The following PARD3B variants were observed in gnomAD, a reference collection of about 807,000 sequenced individuals.
PARD3B encodes par-3 family cell polarity regulator beta.
A neutral mutation model predicts 130.2 loss-of-function variants in PARD3B; 103 were observed. The observed-to-expected ratio is 0.79, with a 90% CI of 0.67 to 0.93. The LOEUF (loss-of-function observed/expected upper bound fraction) is 0.93, where lower values mean the gene tolerates loss of function less well. PARD3B is among the 40% of genes least tolerant of loss of function. PARD3B has a pLI of 0.00. For synonymous variants in PARD3B, 583 were observed against 553.2 expected (o/e 1.05, Z -0.76); for missense variants, 1,609 against 1,499.2 (o/e 1.07, Z -1.21).
intron 18 of PARD3B, among the ~76,000 whole-genome samples, chr2:205,360,078 C>T (rs1235545397): frequency 6.6e-6 from 1 of 152,146 alleles, no homozygotes; most frequent in Non-Finnish European, 1.5e-5. Flanking sequence ...GTATTGTCTA[C>T]ATTTCTGATT....
intron 4 of PARD3B, among the ~76,000 whole-genome samples, chr2:205,056,706 G>A (rs1392180245): frequency 6.6e-6 from 1 of 151,742 alleles, no homozygotes; most frequent in South Asian, 2.1e-4. Flanking sequence ...AACTCTCTAC[G>A]TTTTAAGCAA....
intron 21 of PARD3B, among the ~76,000 whole-genome samples, chr2:205,544,541 A>G (rs1409096822): frequency 2.0e-5 from 3 of 152,144 alleles, no homozygotes; most frequent in Non-Finnish European, 4.4e-5. Context: ...TGGTAACTGT[A>G]TCTTAGGCCC....
intron 2 of PARD3B, among the ~76,000 whole-genome samples, chr2:204,798,273 G>A (rs73982528): frequency 8.5e-4 from 130 of 152,230 alleles, no homozygotes; most frequent in African/African-American, 2.7e-3. Flanking sequence ...GGGACTTGGC[G>A]TTGGAACTCA....
chr2:204,720,851 G>C (rs756790790), intron 2 of PARD3B, among the ~76,000 whole-genome samples: 1 of 152,048 alleles, frequency 6.6e-6, no homozygotes, highest in Non-Finnish European at 1.5e-5. Flanking sequence ...TTTGGGGGTG[G>C]AAACCAAGCA....
intron 22 of PARD3B, among the ~76,000 whole-genome samples, chr2:205,609,444 C>T (rs558470582): frequency 6.6e-6 from 1 of 152,304 alleles, no homozygotes; most frequent in South Asian, 2.1e-4. Flanking sequence ...AGGCACCTCT[C>T]TTAGACAGCT....
intron 18 of PARD3B, among the ~76,000 whole-genome samples, chr2:205,369,713 A>G (rs2044739566): frequency 1.3e-5 from 2 of 152,038 alleles, no homozygotes. Flanking sequence ...TACATTACAG[A>G]TAATCACAGT....
In PARD3B at chr2:204,686,061, T is replaced by C. The variant is rs578032160; in HGVS notation, c.121-120T>C. 66 of 673,632 alleles carry C rather than the reference T, an allele frequency of 9.8e-5. 1 individual carries two copies. In the South Asian group the frequency reaches 1.3e-3, roughly 13 times the overall value. The allele number at this position is 673,632 out of a possible 1,614,324, so 41.7% of individuals were successfully genotyped here. A position where few individuals can be genotyped will look rare whatever the true frequency, so the allele number is the denominator to read the frequency against. On this transcript the variant is annotated intron_variant, in intron 1 of 22. Transcript: ENST00000406610. ...AAATAGATAACATTTGTTTTCAGTG[T>C]TTAAAAATTTGATTACTAGAACATA...
At chr2:205,299,146 T>A (rs2041897649) in intron 16 of PARD3B, among the ~76,000 whole-genome samples, 1 of 152,204 alleles carries the variant, frequency 6.6e-6, no homozygotes, top group African/African-American at 2.4e-5. Flanking sequence ...GGTAAAGGTG[T>A]GTATTGCTAT....
intron 21 of PARD3B, among the ~76,000 whole-genome samples, chr2:205,539,421 A>T (rs2052019308): frequency 1.3e-5 from 2 of 152,186 alleles, no homozygotes; most frequent in African/African-American, 4.8e-5. Flanking sequence ...CAGGACAGGT[A>T]GTTTGAAAAT....
intron 1 of PARD3B, among the ~76,000 whole-genome samples, chr2:204,665,372 C>T (rs577691536): frequency 1.4e-4 from 22 of 152,246 alleles, no homozygotes; most frequent in Admixed American, 4.6e-4. Flanking sequence ...GATGCTCTTC[C>T]TGGTGTGGCT....
chr2:205,498,944 C>T (rs950073521), intron 20 of PARD3B, among the ~76,000 whole-genome samples: 3 of 152,156 alleles, frequency 2.0e-5, no homozygotes, highest in African/African-American at 7.2e-5. Context: ...CCTCTCTGTC[C>T]CCTACCTCCC....
At chr2:205,201,391 A>G (rs2036979666) in intron 15 of PARD3B, among the ~76,000 whole-genome samples, 1 of 152,220 alleles carries the variant, frequency 6.6e-6, no homozygotes, top group African/African-American at 2.4e-5. Flanking sequence ...AAGGAAAAAT[A>G]TATAAATTAA....
intron 18 of PARD3B, among the ~76,000 whole-genome samples, chr2:205,389,753 TTTAGA>T (rs2045786757): frequency 2.0e-5 from 3 of 152,184 alleles, no homozygotes; most frequent in African/African-American, 4.8e-5. Flanking sequence ...TATTTGATAC[TTTAGA>T]TTAAGGAGGC....
chr2:204,987,804 G>A (rs1693294616), intron 3 of PARD3B, among the ~76,000 whole-genome samples: 2 of 151,904 alleles, frequency 1.3e-5, no homozygotes, highest in African/African-American at 4.8e-5. Flanking sequence ...GAAAAAATTA[G>A]AAACATTATC....
Position 204,545,563 on chromosome 2 carries a change from C to A in PARD3B, c.-437C>A, listed in dbSNP as rs777613322. 3.4e-4 allele frequency among the ~76,000 whole-genome samples: 52 copies of A among 152,054 alleles called. No individual in the cohort carries two copies. Among genetic ancestry groups the A allele is most frequent in the Non-Finnish European group, 6.8e-4 (46 of 67,982 alleles). On this transcript the variant is annotated 5_prime_UTR_variant, in exon 1 of 23. Coordinates refer to ENST00000406610, the MANE Select transcript of PARD3B (RefSeq NM_001302769.2). ...CAACTCTGGCCCCGTGCGCCGCCGC[C>A]GCCGCCGCCCACTCCAGCCCCCGGC...
chr2:205,247,643 T>C (rs2125922649), intron 16 of PARD3B, among the ~76,000 whole-genome samples: 1 of 152,256 alleles, frequency 6.6e-6, no homozygotes, highest in South Asian at 2.1e-4. Flanking sequence ...TATTTTTAAG[T>C]GCTATTATAA....
chr2:205,570,391 T>C (rs77165940), intron 22 of PARD3B, among the ~76,000 whole-genome samples: 1,814 of 152,312 alleles, frequency 0.012, 37 homozygotes, highest in African/African-American at 0.042. Context: ...CTTCACAGAA[T>C]AGCAATGCCT....
At chr2:204,995,716 A>G (rs1316374251) in intron 3 of PARD3B, among the ~76,000 whole-genome samples, 1 of 109,872 alleles carries the variant, frequency 9.1e-6, no homozygotes, top group Non-Finnish European at 1.8e-5. Flanking sequence ...TTTCAGGTAC[A>G]CCAATCAGAC....
chr2:204,995,814 G>A (rs1447970922), intron 3 of PARD3B, among the ~76,000 whole-genome samples: 714 of 35,218 alleles, frequency 0.02, 4 homozygotes, highest in Middle Eastern at 0.034. Context: ...TTCCCTTCTC[G>A]CTTCATTTCA....
Sources: gnomAD v4.1 joint callset for allele counts (sites outside exome capture counted in the v4.1 genomes callset) on GRCh38, gnomAD v4.1.1 for gene constraint, MANE v1.5 for transcripts, NCBI Gene and HGNC (gene_info 2026-07-23, HGNC 2026-07-21) for gene names.